Variants in GRIK1 observed in about 807,000 individuals in gnomAD.
GRIK1 encodes glutamate receptor ionotropic, kainate 1.
GRIK1 carries 69 observed loss-of-function variants against 105.7 expected under a neutral mutation model. That is an observed-to-expected ratio of 0.65 (90% confidence interval 0.54 to 0.80). The LOEUF is 0.80. Ranked by LOEUF, GRIK1 falls within the 30% of genes least tolerant of loss-of-function variation. The pLI is 0.00. For synonymous variants in GRIK1, 438 were observed against 431.3 expected (o/e 1.02, Z -0.19); for missense variants, 1,109 against 1,167.3 (o/e 0.95, Z 0.73).
chr21:29,613,760 G>C (rs552187032), intron 7 of GRIK1, among the ~76,000 whole-genome samples: 1 of 152,134 alleles, frequency 6.6e-6, no homozygotes. Context: ...TGATAAACAA[G>C]GTCTGACAAA....
intron 1 of GRIK1, among the ~76,000 whole-genome samples, chr21:29,825,908 T>C (rs368684148): frequency 1.3e-5 from 2 of 152,010 alleles, no homozygotes; most frequent in East Asian, 3.9e-4. Flanking sequence ...ATCCTCTCTC[T>C]CCCCACACAA....
intron 7 of GRIK1, among the ~76,000 whole-genome samples, chr21:29,620,842 A>ATGTATT (rs1476022831): frequency 2.1e-5 from 3 of 139,964 alleles, no homozygotes; most frequent in African/African-American, 8.1e-5. Flanking sequence ...TATAGTCATA[A>ATGTATT]AATATATATC....
intron 1 of GRIK1, among the ~76,000 whole-genome samples, chr21:29,871,048 G>A (rs1212534894): frequency 2.6e-5 from 4 of 151,990 alleles, no homozygotes; most frequent in East Asian, 3.9e-4. Context: ...TTCTACCTCC[G>A]GTCTGTCCTT....
At chr21:29,924,301 C>T (rs1420880294) in intron 1 of GRIK1, among the ~76,000 whole-genome samples, 1 of 148,254 alleles carries the variant, frequency 6.7e-6, no homozygotes, top group African/African-American at 2.5e-5. Flanking sequence ...CATGCCACTG[C>T]ACTCCAGCCT....
chr21:29,782,139 T>C (rs545613698), intron 1 of GRIK1, among the ~76,000 whole-genome samples: 6 of 146,006 alleles, frequency 4.1e-5, no homozygotes, highest in African/African-American at 7.6e-5. Context: ...CAGGCTGGAG[T>C]GCAGTGGCGC....
intron 1 of GRIK1, among the ~76,000 whole-genome samples, chr21:29,724,518 T>C (rs187146295): frequency 2.0e-4 from 31 of 152,336 alleles, no homozygotes; most frequent in Middle Eastern, 3.4e-3. Context: ...TGTTAAAATA[T>C]GCAAGAACTG....
chr21:29,897,287 A>T (rs1413809745), intron 1 of GRIK1, among the ~76,000 whole-genome samples: 1 of 152,226 alleles, frequency 6.6e-6, no homozygotes, highest in Non-Finnish European at 1.5e-5. Context: ...TTGAAATTAC[A>T]AAGAACCATT....
intron 7 of GRIK1, among the ~76,000 whole-genome samples, chr21:29,635,247 C>A (rs753735569): frequency 6.6e-6 from 1 of 152,156 alleles, no homozygotes; most frequent in Non-Finnish European, 1.5e-5. Flanking sequence ...GAGACAGACA[C>A]CCTCAGTGTT....
At chr21:29,857,135 C>T (rs2068487261) in intron 1 of GRIK1, among the ~76,000 whole-genome samples, 2 of 152,174 alleles carry the variant, frequency 1.3e-5, no homozygotes, top group South Asian at 4.1e-4. Flanking sequence ...ATGTAAAACA[C>T]TAGTGCAGGT....
At chr21:29,932,035 A>C (rs1051775621) in intron 1 of GRIK1, among the ~76,000 whole-genome samples, 15 of 152,212 alleles carry the variant, frequency 9.9e-5, no homozygotes, top group African/African-American at 3.6e-4. Flanking sequence ...TTCTAATATA[A>C]AAATCTGCAT....
chr21:29,729,712 C>T (rs546684450), intron 1 of GRIK1, among the ~76,000 whole-genome samples: 24 of 152,232 alleles, frequency 1.6e-4, no homozygotes, highest in African/African-American at 5.5e-4. Context: ...TTTCAGTTTT[C>T]ACCACTTGAA....
intron 1 of GRIK1, among the ~76,000 whole-genome samples, chr21:29,908,147 A>G (rs1209773127): frequency 2.0e-5 from 3 of 152,092 alleles, no homozygotes; most frequent in Non-Finnish European, 2.9e-5. Context: ...TTGTTATCCA[A>G]TTTCTATAGC....
At chr21:29,818,925 T>G (rs1359041504) in intron 1 of GRIK1, among the ~76,000 whole-genome samples, 3 of 152,088 alleles carry the variant, frequency 2.0e-5, no homozygotes, top group Non-Finnish European at 2.9e-5. Flanking sequence ...TAGCCTGGCA[T>G]AGCAGGGATG....
At chr21:29,656,923 G>A (rs1382228933) in intron 4 of GRIK1, among the ~76,000 whole-genome samples, 1 of 152,036 alleles carries the variant, frequency 6.6e-6, no homozygotes, top group Non-Finnish European at 1.5e-5. Context: ...TCAGCCCACA[G>A]GATATAAGTC....
At chr21:29,748,364 C>T (rs2065097773) in intron 1 of GRIK1, 1 of 152,224 alleles carries the variant, frequency 6.6e-6, no homozygotes, top group Admixed American at 6.5e-5. Flanking sequence ...AGGAAAGTCT[C>T]CATTCTGGAC....
At position 29,799,042 on chromosome 21, in the gene GRIK1, A is replaced by G. The variant is rs150430228; in HGVS notation, c.119-104979T>C. ...CAGAGAACACCTGAGAACTGTAAACATTGCCTGGAATTGTCACATTCCAAG... is the reference window on the plus strand; with the variant it reads ...CAGAGAACACCTGAGAACTGTAAACGTTGCCTGGAATTGTCACATTCCAAG... On this transcript the variant is annotated intron_variant, in intron 1 of 17. Transcript: ENST00000327783. Among the ~76,000 whole-genome samples the G allele has an allele frequency of 9.8e-5, 15 of 152,318 alleles. No homozygotes were observed. The East Asian group carries it at 2.7e-3, about 27-fold the overall frequency.
chr21:29,930,379 A>G (rs2071525900), intron 1 of GRIK1, among the ~76,000 whole-genome samples: 2 of 152,324 alleles, frequency 1.3e-5, no homozygotes, highest in South Asian at 4.1e-4. Flanking sequence ...TTAGGAAAAA[A>G]GAAAACCTTT....
intron 1 of GRIK1, among the ~76,000 whole-genome samples, chr21:29,887,021 C>T (rs1322685153): frequency 2.6e-5 from 4 of 152,144 alleles, no homozygotes; most frequent in Non-Finnish European, 4.4e-5. Context: ...AGTCTTTCTT[C>T]TCATTTACTT....
intron 1 of GRIK1, among the ~76,000 whole-genome samples, chr21:29,819,812 C>T (rs541922069): frequency 7.2e-5 from 11 of 152,034 alleles, no homozygotes; most frequent in Admixed American, 2.0e-4. Flanking sequence ...ATCAAGTTTC[C>T]GTATGAGACC....
Sources: gnomAD v4.1 joint callset for allele counts (sites outside exome capture counted in the v4.1 genomes callset) on GRCh38, gnomAD v4.1.1 for gene constraint, MANE v1.5 for transcripts, NCBI Gene and HGNC (gene_info 2026-07-23, HGNC 2026-07-21) for gene names.